TMEM132B: variants seen among roughly 807,000 people sequenced by gnomAD.
TMEM132B encodes transmembrane protein 132B.
In TMEM132B, 18 loss-of-function variants were observed where a neutral mutation model predicts 90.8. The ratio of observed to expected loss-of-function variants is 0.20; its 90% CI spans 0.14 to 0.29. The LOEUF (loss-of-function observed/expected upper bound fraction) is 0.29. TMEM132B is among the 10% of genes least tolerant of loss of function. The pLI, the probability that TMEM132B is intolerant of heterozygous loss-of-function variation, is 1.00. For missense variants in TMEM132B, 1,096 were observed against 1,326.8 expected, an observed-to-expected ratio of 0.83 and a Z score of 2.70; for synonymous variants, 504 against 523.3, an observed-to-expected ratio of 0.96 and a Z score of 0.50.
At chr12:125,602,899 T>C (rs1198952999) in intron 5 of TMEM132B, among the ~76,000 whole-genome samples, 1 of 152,024 alleles carries the variant, frequency 6.6e-6, no homozygotes, top group Non-Finnish European at 1.5e-5. Flanking sequence ...GGAATACAGC[T>C]GAAAAGGGAT....
At chr12:125,370,015 T>C (rs1593108836) in intron 2 of TMEM132B, among the ~76,000 whole-genome samples, 2 of 152,092 alleles carry the variant, frequency 1.3e-5, no homozygotes, top group South Asian at 4.2e-4. Context: ...TGCCACTGCA[T>C]TCCAACCTGG....
chr12:125,270,758 C>G (rs1874817185), intron 1 of TMEM132B, among the ~76,000 whole-genome samples: 1 of 125,168 alleles, frequency 8.0e-6, no homozygotes, highest in Non-Finnish European at 1.6e-5. Flanking sequence ...TTGAGCTGAA[C>G]AGGCTCCTGC....
chr12:125,383,170 A>C, intron 2 of TMEM132B, among the ~76,000 whole-genome samples: 1 of 152,092 alleles, frequency 6.6e-6, no homozygotes, highest in East Asian at 1.9e-4. Context: ...TTTGTTGCTC[A>C]AAGACCCCCA....
At chr12:125,427,997 CTTT>C (rs34770143) in intron 3 of TMEM132B, among the ~76,000 whole-genome samples, 1,667 of 146,426 alleles carry the variant, frequency 0.011, 31 homozygotes, top group African/African-American at 0.038. Flanking sequence ...ATGGAAAGTA[CTTT>C]TTTTTTTTTT....
At chr12:125,548,568 A>C (rs1215348940) in intron 4 of TMEM132B, among the ~76,000 whole-genome samples, 2 of 152,214 alleles carry the variant, frequency 1.3e-5, no homozygotes, top group African/African-American at 2.4e-5. Context: ...AGAGACAGGA[A>C]AGGCTCACAG....
Position 125,654,481 on chromosome 12 carries a change from A to G in TMEM132B, c.3023A>G (p.Tyr1008Cys), listed in dbSNP as rs1311267810. The G allele has an allele frequency of 1.9e-6, 3 of 1,613,856 alleles. No individual in the cohort carries two copies. Among genetic ancestry groups the G allele is most frequent in the Admixed American group, 1.7e-5 (1 of 60,026 alleles). ...FHSQLLRPSDYVYEKEIKNEP... is the reference protein window; with the variant it reads ...FHSQLLRPSDCVYEKEIKNEP... ...AGTCAACTACTCAGACCCTCTGACTATGTCTATGAGAAAGAAATTAAAAAT... is the reference window on the plus strand; with the variant it reads ...AGTCAACTACTCAGACCCTCTGACTGTGTCTATGAGAAAGAAATTAAAAAT... Residue 1008 changes from tyrosine (Y) to cysteine (C), a missense_variant, in exon 9 of 9, where the codon TAT becomes TGT. Coordinates refer to ENST00000682704, the MANE Select transcript of TMEM132B (RefSeq NM_001366854.1). The surrounding 1 kb of genome is among the most constrained non-coding windows in gnomAD (Gnocchi z 5.8).
At chr12:125,564,604 A>G (rs1206463004) in intron 4 of TMEM132B, among the ~76,000 whole-genome samples, 1 of 152,232 alleles carries the variant, frequency 6.6e-6, no homozygotes, top group South Asian at 2.1e-4. Context: ...GGATAGGTCC[A>G]GGATTGAAGG....
intron 3 of TMEM132B, among the ~76,000 whole-genome samples, chr12:125,489,179 A>C (rs1379887338): frequency 6.6e-6 from 1 of 152,214 alleles, no homozygotes; most frequent in Non-Finnish European, 1.5e-5. Context: ...AATCTCAGAT[A>C]TCACCAGCAG....
At chr12:125,618,497 A>G (rs996773660) in intron 5 of TMEM132B, among the ~76,000 whole-genome samples, 3 of 152,166 alleles carry the variant, frequency 2.0e-5, no homozygotes, top group African/African-American at 7.2e-5. Flanking sequence ...TGTCTGAAAT[A>G]GAGATTCTGT....
intron 1 of TMEM132B, among the ~76,000 whole-genome samples, chr12:125,340,881 G>A (rs988884775): frequency 1.3e-5 from 2 of 152,184 alleles, no homozygotes; most frequent in Admixed American, 1.3e-4. Context: ...CCCACCAGAG[G>A]AGGCATCCTC....
intron 1 of TMEM132B, among the ~76,000 whole-genome samples, chr12:125,309,494 C>T (rs537108751): frequency 1.3e-5 from 2 of 151,982 alleles, no homozygotes. Context: ...TTTCTGAGCA[C>T]CTACTATGTG....
chr12:125,234,259 C>T (rs116892650), intron 1 of TMEM132B, among the ~76,000 whole-genome samples: 3 of 152,332 alleles, frequency 2.0e-5, no homozygotes, highest in Non-Finnish European at 4.4e-5. Flanking sequence ...GTTTGCTTTT[C>T]CTGATCACAC....
At chr12:125,632,601 G>T (rs1886392381) in intron 5 of TMEM132B, among the ~76,000 whole-genome samples, 1 of 152,026 alleles carries the variant, frequency 6.6e-6, no homozygotes, top group African/African-American at 2.4e-5. Flanking sequence ...CTCAGCTTTT[G>T]CTTGTCTGGG....
intron 1 of TMEM132B, among the ~76,000 whole-genome samples, chr12:125,257,519 G>C (rs1457050026): frequency 6.6e-6 from 1 of 152,186 alleles, no homozygotes; most frequent in African/African-American, 2.4e-5. Flanking sequence ...TGCGGGAGCT[G>C]CTCTGTTGTC....
intron 5 of TMEM132B, among the ~76,000 whole-genome samples, chr12:125,611,182 T>G (rs1193268957): frequency 6.6e-6 from 1 of 152,148 alleles, no homozygotes; most frequent in Non-Finnish European, 1.5e-5. Flanking sequence ...GCAATCTGTT[T>G]GCACACAAGT....
At chr12:125,475,809 A>G (rs1004039790) in intron 3 of TMEM132B, among the ~76,000 whole-genome samples, 1 of 152,200 alleles carries the variant, frequency 6.6e-6, no homozygotes, top group Non-Finnish European at 1.5e-5. Context: ...TACAAGGCCA[A>G]TTCTTCCTAT....
intron 3 of TMEM132B, among the ~76,000 whole-genome samples, chr12:125,516,349 G>A (rs1025616436): frequency 1.3e-5 from 2 of 152,192 alleles, no homozygotes; most frequent in African/African-American, 4.8e-5. Flanking sequence ...ACTAGATCAG[G>A]AGCAGGTCAA....
intron 7 of TMEM132B, among the ~76,000 whole-genome samples, chr12:125,651,425 T>C (rs373939700): frequency 6.6e-6 from 1 of 152,224 alleles, no homozygotes; most frequent in Admixed American, 6.5e-5. Flanking sequence ...ATCACAGTGA[T>C]AGTTAAATTA....
intron 3 of TMEM132B, among the ~76,000 whole-genome samples, chr12:125,494,777 C>T (rs1882490648): frequency 9.5e-6 from 1 of 105,386 alleles, no homozygotes; most frequent in African/African-American, 3.9e-5. Flanking sequence ...TGGCCGTGTT[C>T]CTCCTCCCCC....
Sources: allele counts gnomAD v4.1 joint callset (sites outside exome capture counted in the v4.1 genomes callset), GRCh38; gene constraint gnomAD v4.1.1; non-coding constraint Gnocchi (gnomAD v3.1); transcripts MANE v1.5; gene names NCBI Gene and HGNC (gene_info 2026-07-23, HGNC 2026-07-21).